Variants in DCHS2 observed in about 807,000 individuals in gnomAD.
The protein encoded by DCHS2 is protocadherin-23.
In DCHS2, 142 loss-of-function variants were observed where a neutral mutation model predicts 182.4. The observed-to-expected ratio is 0.78, with a 90% CI of 0.68 to 0.89. The LOEUF (loss-of-function observed/expected upper bound fraction) is 0.89. Among genes scored for constraint, DCHS2 ranks in the 40% least tolerant of loss-of-function variants. The pLI is 0.00. For synonymous variants in DCHS2, 1,740 were observed against 1,663.3 expected (o/e 1.05, Z -1.12); for missense variants, 4,319 against 4,198.6 (o/e 1.03, Z -0.79).
intron 1 of DCHS2, among the ~76,000 whole-genome samples, chr4:154,394,847 C>T (rs949263121): frequency 6.6e-6 from 1 of 152,198 alleles, no homozygotes; most frequent in African/African-American, 2.4e-5. Context: ...CCTCAAGTCT[C>T]AAAACTGCAT....
rs1735029078 is a variant in DCHS2, at chr4:154,298,146, T to G, written c.6168A>C (p.Thr2056=). The change falls in exon 13 of 20, where the codon ACA becomes ACC. Residue 2056 remains threonine, a synonymous_variant. Coordinates refer to ENST00000357232, the MANE Select transcript of DCHS2 (RefSeq NM_001358235.2). ...FLSPESPTNQ[T]TVIVRADDLD... ...GGTCATCAGCTCTCACAATGACAGTTGTCTGGTTTGTAGGCGACTCGGGGG... is the reference window on the plus strand; with the variant it reads ...GGTCATCAGCTCTCACAATGACAGTGGTCTGGTTTGTAGGCGACTCGGGGG... The G allele has an allele frequency of 6.2e-7, 1 of 1,613,984 alleles. No individual in the cohort carries two copies. Among genetic ancestry groups the G allele is most frequent in the South Asian group, 1.1e-5 (1 of 91,088 alleles).
At chr4:154,374,161 G>A (rs762927377) in intron 2 of DCHS2, 11 of 524,764 alleles carry the variant, frequency 2.1e-5, no homozygotes, top group East Asian at 3.2e-5. Flanking sequence ...CAGGTTATGA[G>A]CATTTGCAGG....
intron 1 of DCHS2, among the ~76,000 whole-genome samples, chr4:154,466,372 G>A (rs72725345): frequency 0.17 from 25,194 of 152,120 alleles, 2,553 homozygotes; most frequent in Admixed American, 0.28. Flanking sequence ...CCAAGTCTAA[G>A]TTTTAAGGGC....
At chr4:154,239,134 A>G (rs1224555788) in intron 19 of DCHS2, 36 bp downstream of exon 19, 26 of 1,586,896 alleles carry the variant, frequency 1.6e-5, no homozygotes, top group Non-Finnish European at 2.2e-5. Context: ...TTGAAACCCA[A>G]ACCTATGAGC....
At chr4:154,418,711 T>C (rs769668762) in intron 1 of DCHS2, among the ~76,000 whole-genome samples, 2 of 152,192 alleles carry the variant, frequency 1.3e-5, no homozygotes, top group Non-Finnish European at 2.9e-5. Flanking sequence ...GTCCTAGCTA[T>C]AATATAAAGG....
intron 5 of DCHS2, chr4:154,331,821 A>G (rs982626301): frequency 3.1e-5 from 38 of 1,209,314 alleles, no homozygotes; most frequent in Middle Eastern, 2.1e-4. Context: ...TGCAGTATAG[A>G]TATGTTTCAT....
chr4:154,253,708 C>T (rs1023626606), intron 16 of DCHS2, among the ~76,000 whole-genome samples: 1 of 152,050 alleles, frequency 6.6e-6, no homozygotes, highest in Non-Finnish European at 1.5e-5. Context: ...AAGTCTTAAA[C>T]TTTTAAAATA....
Position 154,367,903 on chromosome 4 carries a change from C to G in DCHS2, c.2245-1462G>C, listed in dbSNP as rs768990695. ...TGTATGGGAGGAAGGTAAGACAAAC[C>G]CAGAAACGGCTGTCCTGCTCTGAGC... is the stretch of plus-strand genomic sequence containing the variant. On this transcript the variant is annotated intron_variant, in intron 2 of 19. Transcript: ENST00000357232. Among the ~76,000 whole-genome samples, 4 of 147,804 alleles carry G rather than the reference C, an allele frequency of 2.7e-5. No homozygotes were observed. The Admixed American group carries it at 2.8e-4, about 10-fold the overall frequency.
At chr4:154,340,381 A>G (rs960492761) in intron 3 of DCHS2, among the ~76,000 whole-genome samples, 1 of 152,230 alleles carries the variant, frequency 6.6e-6, no homozygotes, top group African/African-American at 2.4e-5. Context: ...TCAAATTACT[A>G]AAGTGTGTCC....
intron 10 of DCHS2, 115 bp from the exon 11 acceptor site, chr4:154,305,346 TCAAA>T (rs1022026101): frequency 7.9e-7 from 1 of 1,261,642 alleles, no homozygotes; most frequent in Non-Finnish European, 1.0e-6. Flanking sequence ...GGCAAGATTC[TCAAA>T]CAGCCTTTAA....
At position 154,297,983 on chromosome 4, in the gene DCHS2, T is replaced by C; in HGVS notation, c.6331A>G (p.Lys2111Glu). The C allele has an allele frequency of 6.2e-7, 1 of 1,614,164 alleles. No homozygotes were observed. Among genetic ancestry groups the C allele is most frequent in the Non-Finnish European group, 8.5e-7 (1 of 1,180,006 alleles). ...SEYFPIWLQL[K>E]VTDQGIPART... ...GCTGGAATGCCCTGGTCTGTAACTT[T>C]TAACTGCAGCCAGATAGGGAAGTAT... Residue 2111 changes from lysine (K) to glutamate (E), a missense_variant, in exon 13 of 20, where the codon AAA becomes GAA. Physicochemically the swap from Lys to Glu is moderately conservative, Grantham distance 56. Coordinates refer to ENST00000357232, the MANE Select transcript of DCHS2 (RefSeq NM_001358235.2).
intron 1 of DCHS2, among the ~76,000 whole-genome samples, chr4:154,399,284 C>T (rs1237733372): frequency 6.6e-6 from 1 of 152,130 alleles, no homozygotes; most frequent in Non-Finnish European, 1.5e-5. Context: ...AATCGTTCCC[C>T]CAAATCAGAT....
chr4:154,331,186 C>T (rs1355663586), intron 5 of DCHS2, among the ~76,000 whole-genome samples: 2 of 152,262 alleles, frequency 1.3e-5, no homozygotes, highest in East Asian at 1.9e-4. Flanking sequence ...CTTTCATATT[C>T]TTTAGCTCTT....
At chr4:154,360,912 A>C (rs2110754602) in intron 3 of DCHS2, among the ~76,000 whole-genome samples, 1 of 152,278 alleles carries the variant, frequency 6.6e-6, no homozygotes, top group Middle Eastern at 3.4e-3. Flanking sequence ...AAGCCACATA[A>C]GCTTGTTGCT....
chr4:154,467,827 T>C (rs1320577398), intron 1 of DCHS2, among the ~76,000 whole-genome samples: 1 of 152,208 alleles, frequency 6.6e-6, no homozygotes, highest in African/African-American at 2.4e-5. Flanking sequence ...ATATCTTAAA[T>C]GCTTTATAAA....
In DCHS2 at chr4:154,298,405, T is replaced by A; in HGVS notation, c.5909A>T (p.Tyr1970Phe). Residue 1970 changes from tyrosine to phenylalanine, a missense_variant, in exon 13 of 20, where the codon TAT becomes TTT. Tyr to Phe is a conservative substitution (Grantham distance 22, BLOSUM62 3). Transcript: ENST00000357232. ...ACCAGAAGCCTCATCAGTCAGAAAA[T>A]ACTCAGTTTGCCCATTCAGGCCTTC... The part of the protein sequence containing the change: ...KDEGLNGQTE[Y>F]FLTDEASGAF... The A allele has an allele frequency of 1.9e-6, 3 of 1,614,100 alleles. No individual in the cohort carries two copies. Among genetic ancestry groups the A allele is most frequent in the Non-Finnish European group, 2.5e-6 (3 of 1,179,994 alleles).
At chr4:154,486,047 G>C (rs538556938) in intron 1 of DCHS2, among the ~76,000 whole-genome samples, 1 of 152,338 alleles carries the variant, frequency 6.6e-6, no homozygotes, top group African/African-American at 2.4e-5. Context: ...AGATTGAAAG[G>C]AACTCCTGAG....
intron 6 of DCHS2, among the ~76,000 whole-genome samples, chr4:154,328,580 G>A (rs1736388770): frequency 6.6e-6 from 1 of 152,116 alleles, no homozygotes; most frequent in Non-Finnish European, 1.5e-5. Flanking sequence ...AAATAAGTAT[G>A]AACCTTTAAT....
chr4:154,268,125 C>G (rs1038538842), intron 14 of DCHS2, among the ~76,000 whole-genome samples: 1 of 152,032 alleles, frequency 6.6e-6, no homozygotes, highest in Non-Finnish European at 1.5e-5. Context: ...TTTCTTTCTT[C>G]ACAATTTCAC....
Sources: allele counts gnomAD v4.1 joint callset (sites outside exome capture counted in the v4.1 genomes callset), GRCh38; gene constraint gnomAD v4.1.1; transcripts MANE v1.5; gene names NCBI Gene and HGNC (gene_info 2026-07-23, HGNC 2026-07-21).